The following FAM13C variants were observed in gnomAD, a reference collection of about 807,000 sequenced individuals.
FAM13C encodes the protein protein FAM13C.
A neutral mutation model predicts 73.2 loss-of-function variants in FAM13C; 37 were observed. That is an observed-to-expected ratio of 0.51 (90% CI 0.39 to 0.67). The LOEUF is 0.67. Among genes scored for constraint, FAM13C ranks in the 30% least tolerant of loss-of-function variants. The pLI, the probability that FAM13C is intolerant of heterozygous loss-of-function variation, is 0.00. For missense variants in FAM13C, 589 were observed against 715.6 expected, an observed-to-expected ratio of 0.82 and a Z score of 2.02; for synonymous variants, 246 against 260.9, an observed-to-expected ratio of 0.94 and a Z score of 0.55.
chr10:59,306,674 G>A (rs768212730), intron 4 of FAM13C, among the ~76,000 whole-genome samples: 2 of 152,138 alleles, frequency 1.3e-5, no homozygotes, highest in South Asian at 2.1e-4. Flanking sequence ...TCAGGAGTTC[G>A]AGACCAGCCT....
chr10:59,324,619 T>C (rs1016420730), intron 3 of FAM13C, among the ~76,000 whole-genome samples: 4 of 152,158 alleles, frequency 2.6e-5, no homozygotes, highest in Admixed American at 6.6e-5. Flanking sequence ...GGAGCCCATA[T>C]ATATTTTCTA....
Position 59,251,563 on chromosome 10 carries a change from G to C in FAM13C, c.1634+12C>G. The C allele has an allele frequency of 6.2e-7, 1 of 1,608,068 alleles. No individual in the cohort carries two copies. Among genetic ancestry groups the C allele is most frequent in the Admixed American group, 1.7e-5 (1 of 59,988 alleles). ...AAGTATTAGCTTTAAAAATCTCTCTGCCGACACATACCTTCCTGTTTGTTT... is the reference window on the plus strand; with the variant it reads ...AAGTATTAGCTTTAAAAATCTCTCTCCCGACACATACCTTCCTGTTTGTTT... On this transcript the variant is annotated intron_variant, in intron 13 of 13. Coordinates refer to ENST00000618804, the MANE Select transcript of FAM13C (RefSeq NM_198215.4).
chr10:59,335,805 C>T (rs1852646398), intron 3 of FAM13C, among the ~76,000 whole-genome samples: 1 of 152,154 alleles, frequency 6.6e-6, no homozygotes, highest in Non-Finnish European at 1.5e-5. Flanking sequence ...CCATGAAGGC[C>T]ACTCTCTCAT....
intron 5 of FAM13C, among the ~76,000 whole-genome samples, chr10:59,284,045 G>GTGTGTGTA (rs1845254434): frequency 6.6e-6 from 1 of 151,978 alleles, no homozygotes; most frequent in Admixed American, 6.6e-5. Context: ...GTGTGTGTGT[G>GTGTGTGTA]TGTGTGTGTC....
intron 5 of FAM13C, among the ~76,000 whole-genome samples, chr10:59,292,070 G>C (rs1846328324): frequency 6.6e-6 from 1 of 152,134 alleles, no homozygotes; most frequent in South Asian, 2.1e-4. Flanking sequence ...TTACACGTGT[G>C]AGCCACTGCG....
chr10:59,349,602 C>CA (rs80331289), intron 3 of FAM13C, among the ~76,000 whole-genome samples: 475 of 146,576 alleles, frequency 3.2e-3, no homozygotes, highest in South Asian at 4.3e-3. Context: ...ACTAAAAATA[C>CA]AAAAAAAAAA....
intron 4 of FAM13C, among the ~76,000 whole-genome samples, chr10:59,320,933 T>C (rs1370307684): frequency 6.6e-6 from 1 of 152,140 alleles, no homozygotes; most frequent in East Asian, 1.9e-4. Context: ...TTCTCTGGAG[T>C]CATGTGTTTT....
chr10:59,293,165 C>T (rs1478561913), intron 5 of FAM13C, among the ~76,000 whole-genome samples: 1 of 145,902 alleles, frequency 6.9e-6, no homozygotes, highest in Non-Finnish European at 1.5e-5. Flanking sequence ...ACTCCACCTC[C>T]TGGGTTCACG....
intron 6 of FAM13C, among the ~76,000 whole-genome samples, chr10:59,276,268 C>T (rs573728827): frequency 2.1e-4 from 32 of 152,238 alleles, no homozygotes; most frequent in African/African-American, 7.7e-4. Context: ...ATGTCATTTC[C>T]AATCCCTGGA....
At chr10:59,354,503 T>C (rs996614915) in intron 2 of FAM13C, among the ~76,000 whole-genome samples, 2 of 152,202 alleles carry the variant, frequency 1.3e-5, no homozygotes, top group Non-Finnish European at 2.9e-5. Flanking sequence ...TCCCACTTAT[T>C]AGTTGTGTGG....
intron 6 of FAM13C, among the ~76,000 whole-genome samples, chr10:59,277,651 C>T (rs556380677): frequency 6.6e-6 from 1 of 152,148 alleles, no homozygotes; most frequent in Admixed American, 6.5e-5. Flanking sequence ...AACCACAAAT[C>T]TAGATCTCTT....
At chr10:59,336,798 T>G (rs199671647) in intron 3 of FAM13C, among the ~76,000 whole-genome samples, 26 of 152,198 alleles carry the variant, frequency 1.7e-4, no homozygotes, top group Non-Finnish European at 3.7e-4. Flanking sequence ...CTGTTAGAAC[T>G]TAGAAATAGA....
intron 3 of FAM13C, among the ~76,000 whole-genome samples, chr10:59,333,303 A>G (rs899170423): frequency 1.1e-4 from 17 of 152,158 alleles, no homozygotes; most frequent in Middle Eastern, 3.2e-3. Context: ...CCTGGCCAAC[A>G]TGGTGAAACC....
At position 59,294,046 on chromosome 10, in the gene FAM13C, A is replaced by G. The variant is rs112920163; in HGVS notation, c.507+8755T>C. 7.9e-5 allele frequency among the ~76,000 whole-genome samples: 12 copies of G among 152,264 alleles called. 2 individuals carry two copies. The highest frequency in any genetic ancestry group is 2.9e-4 in the African/African-American group (12 of 41,560). On this transcript the variant is annotated intron_variant, in intron 5 of 13. Transcript: ENST00000618804. Reference sequence around the variant, plus strand: ...AGCATGTAAGAAAGAAAACAAACAAATCCCCTCCCCATCATTTCCTCACAA... The same window carrying G: ...AGCATGTAAGAAAGAAAACAAACAAGTCCCCTCCCCATCATTTCCTCACAA...
rs573228433 is a variant in FAM13C at position 59,337,635 on chromosome 10, T to C, written c.325-13529A>G. On this transcript the variant is annotated intron_variant, in intron 3 of 13. Transcript: ENST00000618804. ...AACAATCAGTCTTTTCCAGACAGGA[T>C]AGGAACTTTCCATTTTCTTTTTTTT... 1.6e-3 allele frequency among the ~76,000 whole-genome samples: 240 copies of C among 151,304 alleles called. 1 individual carries two copies. The highest frequency in any genetic ancestry group is 5.7e-3 in the African/African-American group (236 of 41,288).
rs187209158 is a variant in FAM13C at position 59,351,223 on chromosome 10, T to C, written c.324+1047A>G. Among the ~76,000 whole-genome samples the C allele has an allele frequency of 6.0e-5, 9 of 150,404 alleles. 1 individual carries two copies. Among genetic ancestry groups the C allele is most frequent in the Admixed American group, 2.0e-4 (3 of 14,958 alleles). ...GGCTCACACCTGTAGTCCCAGCTAA[T>C]AGGGGAGGCTGAGGTGGGAGGATCA... On this transcript the variant is annotated intron_variant, in intron 3 of 13. Transcript: ENST00000618804.
chr10:59,327,575 C>CGCA, intron 3 of FAM13C: 1 of 142,552 alleles, frequency 7.0e-6, no homozygotes, highest in Non-Finnish European at 1.5e-5. Context: ...ACCCCCCCAC[C>CGCA]AAAAAAGGTG....
At chr10:59,349,599 A>G (rs898425588) in intron 3 of FAM13C, among the ~76,000 whole-genome samples, 38 of 144,586 alleles carry the variant, frequency 2.6e-4, no homozygotes, top group African/African-American at 8.6e-4. Context: ...TCTACTAAAA[A>G]TACAAAAAAA....
In FAM13C at chr10:59,283,413, G is replaced by C. The variant is rs374540049; in HGVS notation, c.542C>G (p.Pro181Arg). The change falls in exon 6 of 14, where the codon CCG becomes CGG. Residue 181 changes from proline to arginine, a missense_variant. By Grantham distance (103) the Pro-to-Arg change is moderately radical. Transcript: ENST00000618804. ...EAAQVHGVKDPAPASTQSVLA... is the reference protein window; with the variant it reads ...EAAQVHGVKDRAPASTQSVLA... ...CACGCTCTGGGTTGATGCTGGCGCC[G>C]GGTCCTTGACTCCATGCACCTGAGC... 2 of 1,614,038 alleles carry C rather than the reference G, an allele frequency of 1.2e-6. No homozygotes were observed. Among genetic ancestry groups the C allele is most frequent in the South Asian group, 2.2e-5 (2 of 91,078 alleles).
Sources: gnomAD v4.1 joint callset for allele counts (sites outside exome capture counted in the v4.1 genomes callset) on GRCh38, gnomAD v4.1.1 for gene constraint, MANE v1.5 for transcripts, NCBI Gene and HGNC (gene_info 2026-07-23, HGNC 2026-07-21) for gene names.